CSNK1G3: variants seen among roughly 807,000 people sequenced by gnomAD.
CSNK1G3 encodes casein kinase I isoform gamma-3.
CSNK1G3 carries 23 observed loss-of-function variants against 64.3 expected under a neutral mutation model. The ratio of observed to expected loss-of-function variants is 0.36; its 90% CI spans 0.26 to 0.51. The LOEUF (loss-of-function observed/expected upper bound fraction) is 0.51. Ranked by LOEUF, CSNK1G3 falls within the 20% of genes least tolerant of loss-of-function variation. The pLI is 0.96. For missense variants in CSNK1G3, 357 were observed against 510.5 expected, an observed-to-expected ratio of 0.70 and a Z score of 2.90; for synonymous variants, 158 against 162.2, an observed-to-expected ratio of 0.97 and a Z score of 0.20.
intron 2 of CSNK1G3, 73 bp downstream of exon 2, chr5:123,545,914 A>G (rs891646744): frequency 1.7e-5 from 20 of 1,197,992 alleles, no homozygotes; most frequent in Non-Finnish European, 2.1e-5. Context: ...AATGAAAATG[A>G]TTTAGTTATT....
chr5:123,597,039 CT>C (rs10713771), intron 10 of CSNK1G3, among the ~76,000 whole-genome samples: 86,170 of 151,776 alleles, frequency 0.57, 24,993 homozygotes, highest in Middle Eastern at 0.67. Flanking sequence ...AGAAAAGTAC[CT>C]AAAATTTGAA....
At chr5:123,603,049 G>C (rs1428387450) in intron 10 of CSNK1G3, among the ~76,000 whole-genome samples, 2 of 152,042 alleles carry the variant, frequency 1.3e-5, no homozygotes, top group Non-Finnish European at 2.9e-5. Context: ...TTTGAGTCTA[G>C]ACCCATCTTA....
At chr5:123,611,704 G>A (rs1796368696) in intron 12 of CSNK1G3, among the ~76,000 whole-genome samples, 1 of 152,036 alleles carries the variant, frequency 6.6e-6, no homozygotes, top group African/African-American at 2.4e-5. Context: ...AATCTACTTT[G>A]GAATTTGAAA....
At chr5:123,579,883 TG>T (rs1005293275) in intron 6 of CSNK1G3, among the ~76,000 whole-genome samples, 11 of 151,970 alleles carry the variant, frequency 7.2e-5, no homozygotes, top group Non-Finnish European at 1.2e-4. Flanking sequence ...CAGGAGTAGG[TG>T]GGTAATATTA....
chr5:123,568,996 A>C (rs1040188210), intron 4 of CSNK1G3, among the ~76,000 whole-genome samples: 3 of 152,246 alleles, frequency 2.0e-5, no homozygotes, highest in Non-Finnish European at 4.4e-5. Flanking sequence ...CCAGTATCAA[A>C]CAGCAATTTG....
At chr5:123,578,149 T>G (rs760961612) in intron 6 of CSNK1G3, among the ~76,000 whole-genome samples, 36 of 152,004 alleles carry the variant, frequency 2.4e-4, no homozygotes, top group Admixed American at 1.4e-3. Context: ...TGAATAAAAC[T>G]TGTATAATAT....
intron 10 of CSNK1G3, among the ~76,000 whole-genome samples, chr5:123,600,641 A>G (rs904712406): frequency 6.6e-6 from 1 of 151,956 alleles, no homozygotes; most frequent in African/African-American, 2.4e-5. Context: ...AAAAAAAAGA[A>G]AGAAAGAAAT....
At chr5:123,579,846 T>C (rs936248164) in intron 6 of CSNK1G3, among the ~76,000 whole-genome samples, 4 of 151,984 alleles carry the variant, frequency 2.6e-5, no homozygotes, top group Non-Finnish European at 4.4e-5. Flanking sequence ...TTATAAACAC[T>C]CTGCTTCTCA....
At chr5:123,604,684 G>GT in intron 10 of CSNK1G3, 40 bp from the exon 12 acceptor site, 1 of 1,016,282 alleles carries the variant, frequency 9.8e-7, no homozygotes, top group East Asian at 2.6e-5. Flanking sequence ...GAGCATGTGT[G>GT]TGTACATATA....
exon 11 of CSNK1G3, chr5:123,604,826 A>G (rs1366880605): frequency 6.2e-7 from 1 of 1,601,768 alleles, no homozygotes; most frequent in Admixed American, 1.7e-5. Context: ...GATGGATGAA[A>G]CCAAGTATGT....
intron 1 of CSNK1G3, among the ~76,000 whole-genome samples, chr5:123,529,592 G>A (rs1779598046): frequency 6.6e-6 from 1 of 152,126 alleles, no homozygotes; most frequent in Admixed American, 6.6e-5. Context: ...ATGAAAATAA[G>A]CATCCCAAAA....
chr5:123,556,764 TTGTGTGTG>T (rs5871049), intron 3 of CSNK1G3, among the ~76,000 whole-genome samples: 36 of 148,758 alleles, frequency 2.4e-4, no homozygotes, highest in Admixed American at 1.2e-3. Flanking sequence ...CTGTACATGT[TTGTGTGTG>T]TGTGTGTGTG....
At chr5:123,584,092 A>G (rs1007473201) in intron 6 of CSNK1G3, among the ~76,000 whole-genome samples, 3 of 152,298 alleles carry the variant, frequency 2.0e-5, no homozygotes, top group East Asian at 1.9e-4. Flanking sequence ...ATTTTTCTAC[A>G]TATACAATCC....
chr5:123,614,478 C>T (rs1749116342), exon 13 of CSNK1G3: 16 of 1,200,070 alleles, frequency 1.3e-5, no homozygotes, highest in African/African-American at 6.3e-5. Context: ...GTAGTGACCA[C>T]GTATATTTTC....
intron 2 of CSNK1G3, 197 bp downstream of exon 2, chr5:123,546,038 T>C: frequency 3.9e-6 from 2 of 516,070 alleles, no homozygotes; most frequent in Admixed American, 6.4e-5. Context: ...GAGTGTCTAC[T>C]TTAGCCATCC....
intron 10 of CSNK1G3, 86 bp from the exon 12 acceptor site, chr5:123,604,638 C>T: frequency 1.6e-6 from 1 of 619,208 alleles, no homozygotes; most frequent in East Asian, 3.0e-5. Context: ...TTATGTTTAT[C>T]CTTGTATAAC....
At chr5:123,614,901 GATTTCAGT>G (rs1749199069) in exon 13 of CSNK1G3, 1 of 152,832 alleles carries the variant, frequency 6.5e-6, no homozygotes, top group South Asian at 2.1e-4. Context: ...CATCTGCATT[GATTTCAGT>G]ATTACTGATG....
chr5:123,600,685 T>C (rs1365420790), intron 10 of CSNK1G3, among the ~76,000 whole-genome samples: 4 of 151,926 alleles, frequency 2.6e-5, no homozygotes, highest in Non-Finnish European at 5.9e-5. Context: ...TTTGTATGAA[T>C]TCATTATATT....
At chr5:123,513,196 A>G (rs1007737780) in intron 1 of CSNK1G3, among the ~76,000 whole-genome samples, 1 of 152,134 alleles carries the variant, frequency 6.6e-6, no homozygotes, top group Non-Finnish European at 1.5e-5. Context: ...AATCACTCTG[A>G]TGGTTACTCT....
Sources: gnomAD v4.1 joint callset for allele counts (sites outside exome capture counted in the v4.1 genomes callset) on GRCh38, gnomAD v4.1.1 for gene constraint, MANE v1.5 for transcripts, NCBI Gene and HGNC (gene_info 2026-07-23, HGNC 2026-07-21) for gene names.